Variants in CORO1C observed in about 807,000 individuals in gnomAD.
CORO1C encodes coronin-1C.
In CORO1C, 14 loss-of-function variants were observed where a neutral mutation model predicts 51.2. The ratio of observed to expected loss-of-function variants is 0.27; its 90% CI spans 0.18 to 0.43. CORO1C has a LOEUF of 0.43. Ranked by LOEUF, CORO1C falls within the 20% of genes least tolerant of loss-of-function variation. The pLI is 1.00. For missense variants in CORO1C, 417 were observed against 607.8 expected, an observed-to-expected ratio of 0.69 and a Z score of 3.30; for synonymous variants, 181 against 210.5, an observed-to-expected ratio of 0.86 and a Z score of 1.21.
At chr12:108,704,022 T>C (rs958743499) in intron 1 of CORO1C, among the ~76,000 whole-genome samples, 2 of 152,226 alleles carry the variant, frequency 1.3e-5, no homozygotes, top group Non-Finnish European at 2.9e-5. Flanking sequence ...GGAAGGCCTC[T>C]CACTTGAAAA....
intron 1 of CORO1C, among the ~76,000 whole-genome samples, chr12:108,725,729 C>T (rs1158470852): frequency 1.3e-5 from 2 of 152,226 alleles, no homozygotes; most frequent in Admixed American, 6.5e-5. Context: ...CAAGCTTTAA[C>T]GAACACACAA....
chr12:108,671,450 A>G (rs2033716393), intron 3 of CORO1C, among the ~76,000 whole-genome samples: 1 of 151,810 alleles, frequency 6.6e-6, no homozygotes. Flanking sequence ...AAAGAAAACC[A>G]AAGCAAAGGA....
chr12:108,655,992 G>A (rs987201746), intron 6 of CORO1C, among the ~76,000 whole-genome samples: 2 of 147,356 alleles, frequency 1.4e-5, no homozygotes, highest in Non-Finnish European at 3.0e-5. Context: ...CTGCTCCGCC[G>A]CCCCGTCTGG....
chr12:108,651,812 A>C (rs1206393218), intron 8 of CORO1C, among the ~76,000 whole-genome samples: 2 of 152,242 alleles, frequency 1.3e-5, no homozygotes, highest in Non-Finnish European at 2.9e-5. Context: ...TGGGCTTCAT[A>C]GAATTTCTTG....
chr12:108,666,251 G>A (rs2033471342), intron 3 of CORO1C, among the ~76,000 whole-genome samples: 1 of 152,226 alleles, frequency 6.6e-6, no homozygotes, highest in Non-Finnish European at 1.5e-5. Context: ...AGCTGGCTCA[G>A]GAGCTGCTAG....
At chr12:108,660,678 C>A (rs1403839577) in intron 4 of CORO1C, among the ~76,000 whole-genome samples, 1 of 152,106 alleles carries the variant, frequency 6.6e-6, no homozygotes, top group African/African-American at 2.4e-5. Flanking sequence ...AGAATGCAGA[C>A]CAGTCTGTTG....
intron 3 of CORO1C, among the ~76,000 whole-genome samples, chr12:108,669,258 A>G (rs147848608): frequency 2.0e-5 from 3 of 152,384 alleles, no homozygotes; most frequent in African/African-American, 7.2e-5. Flanking sequence ...TACCATAAGT[A>G]ATACAAAAAG....
Position 108,657,288 on chromosome 12 carries a change from C to T in CORO1C, c.750+16G>A. On this transcript the variant is annotated intron_variant, in intron 6 of 10. Transcript: ENST00000261401. ...AGCTCAAGTGAAAGCAAGTGGAAAGCCTGGGGAGGGCGTACCGGATTCCAG... is the reference window on the plus strand; with the variant it reads ...AGCTCAAGTGAAAGCAAGTGGAAAGTCTGGGGAGGGCGTACCGGATTCCAG... 4.3e-6 allele frequency: 7 copies of T among 1,611,590 alleles called. No homozygotes were observed. Among genetic ancestry groups the T allele is most frequent in the Non-Finnish European group, 5.9e-6 (7 of 1,178,554 alleles).
rs75283310 is a variant in CORO1C, at chr12:108,648,836, T to C, written c.1074A>G (p.Gln358=). 2.4e-3 allele frequency: 3,885 copies of C among 1,614,200 alleles called. 7 individuals are homozygous for C. Among genetic ancestry groups the C allele is most frequent in the Non-Finnish European group, 2.8e-3 (3,337 of 1,180,044 alleles). The change falls in exon 10 of 11, where the codon CAA becomes CAG. Residue 358 remains glutamine (Q), a synonymous_variant. Coordinates refer to ENST00000261401, the MANE Select transcript of CORO1C (RefSeq NM_014325.4). ...CCGCTGTGTCAGGATACAGGTCATCTTGGAAAAGGTCAGACTACAAGAGAC... is the reference window on the plus strand; with the variant it reads ...CCGCTGTGTCAGGATACAGGTCATCCTGGAAAAGGTCAGACTACAAGAGAC... The part of the protein sequence containing the change: ...MTVPRKSDLF[Q]DDLYPDTAGP...
rs527953036 is a variant in CORO1C, at chr12:108,729,545, C to T, written c.-6+1884G>A. On this transcript the variant is annotated intron_variant, in intron 1 of 10. Coordinates refer to ENST00000261401, the MANE Select transcript of CORO1C (RefSeq NM_014325.4). ...CCTCAGTACACACGACTAACCTCCACCACGAAACACTGCACTTCAAGACCT... is the reference window on the plus strand; with the variant it reads ...CCTCAGTACACACGACTAACCTCCATCACGAAACACTGCACTTCAAGACCT... 3.3e-5 allele frequency among the ~76,000 whole-genome samples: 5 copies of T among 152,338 alleles called. No individual in the cohort carries two copies. The South Asian group carries it at 1.0e-3, about 32-fold the overall frequency.
intron 1 of CORO1C, chr12:108,730,037 T>C (rs2035681982): frequency 1.3e-5 from 2 of 152,270 alleles, no homozygotes; most frequent in Admixed American, 6.5e-5. Flanking sequence ...TTGTGGTAAC[T>C]ATTTCCAAAA....
At chr12:108,689,527 T>C (rs1379368553) in intron 2 of CORO1C, among the ~76,000 whole-genome samples, 1 of 152,196 alleles carries the variant, frequency 6.6e-6, no homozygotes, top group East Asian at 1.9e-4. Context: ...CGGTTTCCCT[T>C]ATCTAATCCA....
intron 2 of CORO1C, among the ~76,000 whole-genome samples, chr12:108,692,711 C>T (rs544048140): frequency 2.0e-5 from 3 of 152,238 alleles, no homozygotes; most frequent in African/African-American, 7.2e-5. Context: ...AGAATGAAAG[C>T]CCTGTCAAGT....
At chr12:108,708,412 C>T (rs566405634) in intron 1 of CORO1C, among the ~76,000 whole-genome samples, 4 of 150,620 alleles carry the variant, frequency 2.7e-5, no homozygotes, top group African/African-American at 9.7e-5. Context: ...TATGAAAGTC[C>T]AGAATAGGCA....
intron 1 of CORO1C, among the ~76,000 whole-genome samples, chr12:108,728,683 T>C (rs983357314): frequency 5.3e-5 from 8 of 152,190 alleles, no homozygotes; most frequent in Non-Finnish European, 1.0e-4. Flanking sequence ...GTACAGAATC[T>C]TGTTCACTCA....
intron 3 of CORO1C, among the ~76,000 whole-genome samples, chr12:108,662,868 T>G (rs2033328980): frequency 6.6e-6 from 1 of 152,072 alleles, no homozygotes; most frequent in African/African-American, 2.4e-5. Context: ...CAAAGGACAC[T>G]ATGAAGAAAG....
chr12:108,647,705 C>T (rs956881936), intron 10 of CORO1C, among the ~76,000 whole-genome samples, 183 bp from the exon 11 acceptor site: 5 of 152,142 alleles, frequency 3.3e-5, no homozygotes, highest in Non-Finnish European at 5.9e-5. Context: ...GAGCACTGGC[C>T]GATCTATCTG....
intron 5 of CORO1C, 23 bp from the exon 6 acceptor site, chr12:108,657,446 CCA>C: frequency 6.2e-7 from 1 of 1,608,980 alleles, no homozygotes; most frequent in Non-Finnish European, 8.5e-7. Context: ...AAGGCACATG[CCA>C]CACATTAAAC....
At chr12:108,699,717 T>C (rs1157734104) in intron 2 of CORO1C, among the ~76,000 whole-genome samples, 1 of 152,210 alleles carries the variant, frequency 6.6e-6, no homozygotes, top group Admixed American at 6.5e-5. Flanking sequence ...CTTATAACAG[T>C]GTAGTGTACT....
Sources: gnomAD v4.1 joint callset for allele counts (sites outside exome capture counted in the v4.1 genomes callset) on GRCh38, gnomAD v4.1.1 for gene constraint, MANE v1.5 for transcripts, NCBI Gene and HGNC (gene_info 2026-07-23, HGNC 2026-07-21) for gene names.